Variants in COL28A1 observed in about 807,000 individuals in gnomAD.
COL28A1 encodes collagen type XXVIII alpha 1 chain.
In COL28A1, 161 loss-of-function variants were observed where a neutral mutation model predicts 150.2. The ratio of observed to expected loss-of-function variants is 1.07; its 90% CI spans 0.94 to 1.22. The LOEUF (loss-of-function observed/expected upper bound fraction) is 1.22. Among genes scored for constraint, COL28A1 ranks in the 50% most tolerant of loss-of-function variants. COL28A1 has a pLI of 0.00. For missense variants in COL28A1, 1,617 were observed against 1,388.3 expected (o/e 1.16, Z -2.62); for synonymous variants, 552 against 469.7 (o/e 1.18, Z -2.26).
the COL28A1 span, among the ~76,000 whole-genome samples, chr7:7,340,928 A>G: frequency 6.6e-6 from 1 of 152,272 alleles, no homozygotes; most frequent in South Asian, 2.1e-4. Flanking sequence ...TCAGAGTTCC[A>G]TCCAAATGCA....
the COL28A1 span, among the ~76,000 whole-genome samples, chr7:7,541,198 T>A: frequency 5.3e-5 from 8 of 152,322 alleles, no homozygotes; most frequent in Non-Finnish European, 8.8e-5. Context: ...TCATTGCATC[T>A]AAATTATATA....
rs565448176 is a variant in COL28A1, at chr7:7,415,973, T to G, written c.2136+1886A>C. ...ATGCACCACCACACCAAGCTAAGTTTTGTATTTTTAGTAGACACGGGGTTT... is the reference window on the plus strand; with the variant it reads ...ATGCACCACCACACCAAGCTAAGTTGTGTATTTTTAGTAGACACGGGGTTT... On this transcript the variant is annotated intron_variant, in intron 27 of 34. Transcript: ENST00000399429. 3.3e-5 allele frequency among the ~76,000 whole-genome samples: 5 copies of G among 152,238 alleles called. No individual in the cohort carries two copies. In the South Asian group the frequency reaches 1.0e-3, roughly 32 times the overall value.
the COL28A1 span, among the ~76,000 whole-genome samples, chr7:7,341,567 C>T: frequency 6.6e-6 from 1 of 151,992 alleles, no homozygotes; most frequent in Admixed American, 6.6e-5. Flanking sequence ...TGTGCCACCA[C>T]ACCTGACTTC....
At chr7:7,356,506 T>C (rs1780363275), downstream of COL28A1, 1 of 152,308 alleles carries the variant, frequency 6.6e-6, no homozygotes, top group African/African-American at 2.4e-5. Context: ...CAGAATACTA[T>C]GCAGCCATAA....
At chr7:7,377,823 A>C (rs1246948847) in intron 30 of COL28A1, among the ~76,000 whole-genome samples, 1 of 150,342 alleles carries the variant, frequency 6.7e-6, no homozygotes, top group African/African-American at 2.5e-5. Flanking sequence ...AAAAAAAAAA[A>C]CCAGACATCA....
chr7:7,443,497 A>G (rs1047684932), intron 20 of COL28A1, 88 bp downstream of exon 20: 1 of 1,570,174 alleles, frequency 6.4e-7, no homozygotes, highest in African/African-American at 1.4e-5. Context: ...TGACATAGTA[A>G]GAATAACAAT....
intron 27 of COL28A1, among the ~76,000 whole-genome samples, chr7:7,396,473 T>G (rs1326347942): frequency 6.6e-6 from 1 of 152,086 alleles, no homozygotes; most frequent in Admixed American, 6.5e-5. Context: ...TCCCCTTCTC[T>G]GACTTGATAA....
intron 27 of COL28A1, among the ~76,000 whole-genome samples, chr7:7,402,399 A>G (rs1384683295): frequency 1.3e-5 from 2 of 152,222 alleles, no homozygotes; most frequent in East Asian, 3.8e-4. Flanking sequence ...CTAGTTCCCA[A>G]TCCCACCTCA....
chr7:7,374,038 A>AAAAT, intron 31 of COL28A1, among the ~76,000 whole-genome samples: 4 of 113,658 alleles, frequency 3.5e-5, no homozygotes, highest in African/African-American at 7.6e-5. Flanking sequence ...AAAAAAAAAA[A>AAAAT]ATATATATAT....
chr7:7,414,465 C>G (rs1434008325), intron 27 of COL28A1, among the ~76,000 whole-genome samples: 1 of 152,180 alleles, frequency 6.6e-6, no homozygotes, highest in Non-Finnish European at 1.5e-5. Context: ...CAGGGCAGAG[C>G]CAGTTGGGCC....
intron 9 of COL28A1, 142 bp from the exon 10 acceptor site, chr7:7,507,303 A>C (rs1562862972): frequency 1.9e-6 from 1 of 518,568 alleles, no homozygotes; most frequent in East Asian, 3.2e-5. Context: ...AAACTGAAAT[A>C]ATCCTAATTA....
At chr7:7,522,806 CAAAA>C (rs200294353) in intron 4 of COL28A1, among the ~76,000 whole-genome samples, 8 of 93,166 alleles carry the variant, frequency 8.6e-5, no homozygotes, top group African/African-American at 3.5e-4. Context: ...AGCTGAAGAG[CAAAA>C]AAAAAAAAAA....
chr7:7,521,935 C>T lies in COL28A1; in HGVS notation c.729G>A (p.Glu243=). ...KKCERKICEC[E]KGDPGDPGPP... is the part of the protein sequence containing the mutation. Reference sequence around the variant, plus strand: ...GCCCTGGATCACCTGGATCTCCCTTCTCACATTCACAAATCTTGCGTTCAC... The same window carrying T: ...GCCCTGGATCACCTGGATCTCCCTTTTCACATTCACAAATCTTGCGTTCAC... The change falls in exon 5 of 35, where the codon GAG becomes GAA. Residue 243 remains glutamate, a synonymous_variant. Transcript: ENST00000399429. The T allele has an allele frequency of 3.5e-6, 4 of 1,158,650 alleles. No individual in the cohort carries two copies. Among genetic ancestry groups the T allele is most frequent in the Non-Finnish European group, 5.2e-6 (4 of 763,458 alleles). 71.8% of individuals were successfully genotyped at this position (1,158,650 alleles called of 1,614,324 possible).
chr7:7,383,682 G>GTA lies in COL28A1; in HGVS notation c.2137-2072_2137-2071dup, dbSNP rs772285848. On this transcript the variant is annotated intron_variant, in intron 27 of 34. Coordinates refer to ENST00000399429, the MANE Select transcript of COL28A1 (RefSeq NM_001037763.3). ...ATTTGAAATTTGTGTGTGTGTGTGT[G>GTA]TATATATATATATATATATATGTAT... Among the ~76,000 whole-genome samples, 1,220 of 124,026 alleles carry GTA rather than the reference G, an allele frequency of 9.8e-3. 10 individuals are homozygous for GTA. The highest frequency in any genetic ancestry group is 0.028 in the South Asian group (105 of 3,702). The allele number at this position is 124,026 out of a possible 152,430, so 81.4% of individuals were successfully genotyped here. A position where few individuals can be genotyped will look rare whatever the true frequency, so the allele number is the denominator to read the frequency against.
chr7:7,467,946 G>A (rs936061072), intron 15 of COL28A1, among the ~76,000 whole-genome samples: 74 of 136,356 alleles, frequency 5.4e-4, no homozygotes, highest in African/African-American at 2.0e-3. Flanking sequence ...TCTCTGGGAC[G>A]CATTCAAAGC....
At position 7,475,954 on chromosome 7, in the gene COL28A1, G is replaced by A. The variant is rs548673380; in HGVS notation, c.1233+1158C>T. Among the ~76,000 whole-genome samples the A allele has an allele frequency of 3.9e-5, 6 of 152,264 alleles. No individual in the cohort carries two copies. The East Asian group carries it at 7.7e-4, about 20-fold the overall frequency. On this transcript the variant is annotated intron_variant, in intron 14 of 34. Transcript: ENST00000399429. ...GCGTCTTTTAAAATTTAACCCAGCA[G>A]TCACTCAAAACTAAGGATGAATTAT...
At chr7:7,379,277 T>C (rs1342275422) in intron 30 of COL28A1, among the ~76,000 whole-genome samples, 7 of 152,188 alleles carry the variant, frequency 4.6e-5, no homozygotes, top group African/African-American at 1.7e-4. Context: ...TCTCACTTAA[T>C]GCAAATTCTC....
chr7:7,490,692 A>G, intron 11 of COL28A1, 46 bp from the exon 12 acceptor site: 2 of 861,188 alleles, frequency 2.3e-6, no homozygotes, highest in Non-Finnish European at 2.0e-6. Flanking sequence ...GGTCGACTCA[A>G]TAGTATTGAC....
chr7:7,528,524 C>T (rs986950661), intron 3 of COL28A1, among the ~76,000 whole-genome samples: 4 of 152,106 alleles, frequency 2.6e-5, no homozygotes, highest in East Asian at 1.9e-4. Context: ...TCTGTATACT[C>T]GTGTCCATTA....
Sources: gnomAD v4.1 joint callset for allele counts (sites outside exome capture counted in the v4.1 genomes callset) on GRCh38, gnomAD v4.1.1 for gene constraint, MANE v1.5 for transcripts, NCBI Gene and HGNC (gene_info 2026-07-23, HGNC 2026-07-21) for gene names.